Variants in LUZP2 observed in about 807,000 individuals in gnomAD.
The protein encoded by LUZP2 is leucine zipper protein 2.
In LUZP2, 52 loss-of-function variants were observed where a neutral mutation model predicts 51.6. The observed-to-expected ratio is 1.01, with a 90% CI of 0.81 to 1.27. The LOEUF is 1.27. Ranked by LOEUF, LUZP2 falls within the 50% of genes most tolerant of loss-of-function variation. The pLI, the probability that LUZP2 is intolerant of heterozygous loss-of-function variation, is 0.00. For missense variants in LUZP2, 436 were observed against 395.4 expected (o/e 1.10, Z -0.87); for synonymous variants, 154 against 137.3 (o/e 1.12, Z -0.85).
chr11:25,029,014 T>C (rs1857573850), intron 9 of LUZP2, among the ~76,000 whole-genome samples: 1 of 152,146 alleles, frequency 6.6e-6, no homozygotes, highest in African/African-American at 2.4e-5. Context: ...CACATATTTG[T>C]GGGATCTAAA....
chr11:24,864,047 A>G (rs1416609121), intron 5 of LUZP2, among the ~76,000 whole-genome samples: 1 of 152,184 alleles, frequency 6.6e-6, no homozygotes, highest in East Asian at 1.9e-4. Context: ...GTAAGAAATA[A>G]TGGTGTATCA....
At chr11:24,985,250 C>T (rs1465917475) in intron 9 of LUZP2, among the ~76,000 whole-genome samples, 1 of 151,508 alleles carries the variant, frequency 6.6e-6, no homozygotes, top group Non-Finnish European at 1.5e-5. Flanking sequence ...CAAGAGACAA[C>T]AAGAAAACTG....
chr11:24,562,220 C>A (rs990205019), intron 1 of LUZP2, among the ~76,000 whole-genome samples: 4 of 151,856 alleles, frequency 2.6e-5, no homozygotes, highest in Non-Finnish European at 4.4e-5. Context: ...CCTTTTGAAA[C>A]GCAAAGAGAC....
chr11:24,768,133 A>AT (rs113651188), intron 5 of LUZP2, among the ~76,000 whole-genome samples: 3,635 of 150,540 alleles, frequency 0.024, 161 homozygotes, highest in African/African-American at 0.084. Context: ...ATTAGTTGAA[A>AT]TTTTTTTTTT....
intron 1 of LUZP2, among the ~76,000 whole-genome samples, chr11:24,703,874 A>C (rs530319754): frequency 4.6e-5 from 7 of 151,484 alleles, no homozygotes; most frequent in South Asian, 2.1e-4. Context: ...ACAAAAAAAA[A>C]CAGAATTATT....
intron 1 of LUZP2, among the ~76,000 whole-genome samples, chr11:24,644,661 A>T (rs1287805393): frequency 6.6e-6 from 1 of 152,108 alleles, no homozygotes; most frequent in Non-Finnish European, 1.5e-5. Context: ...GGTATGGAAC[A>T]TCAACACTGA....
chr11:24,934,743 G>GCT (rs1231083720), intron 7 of LUZP2, among the ~76,000 whole-genome samples: 2 of 152,106 alleles, frequency 1.3e-5, no homozygotes, highest in African/African-American at 2.4e-5. Context: ...TTCAGACCTT[G>GCT]CTAATAGGTT....
intron 5 of LUZP2, among the ~76,000 whole-genome samples, chr11:24,814,730 A>C (rs1345040510): frequency 6.6e-6 from 1 of 152,114 alleles, no homozygotes. Flanking sequence ...CGGTAGCTCA[A>C]GCCTGTAATC....
At chr11:24,777,819 G>A in intron 5 of LUZP2, among the ~76,000 whole-genome samples, 1 of 150,890 alleles carries the variant, frequency 6.6e-6, no homozygotes, top group East Asian at 1.9e-4. Flanking sequence ...TATTTTTTTT[G>A]GTGTGGTGAT....
At chr11:24,822,974 A>C (rs1850404301) in intron 5 of LUZP2, among the ~76,000 whole-genome samples, 1 of 152,188 alleles carries the variant, frequency 6.6e-6, no homozygotes, top group Non-Finnish European at 1.5e-5. Context: ...AGTAATAATC[A>C]TTCATATATT....
At chr11:24,639,717 C>G (rs1855219139) in intron 1 of LUZP2, among the ~76,000 whole-genome samples, 1 of 152,008 alleles carries the variant, frequency 6.6e-6, no homozygotes, top group Middle Eastern at 3.4e-3. Flanking sequence ...TCCCAAAGTG[C>G]TGGGATTACA....
chr11:24,847,268 T>C (rs1312232633), intron 5 of LUZP2, among the ~76,000 whole-genome samples: 2 of 152,082 alleles, frequency 1.3e-5, no homozygotes. Flanking sequence ...TATATATTTT[T>C]TTCCTTTCTG....
At chr11:24,682,547 A>G (rs1450260830) in intron 1 of LUZP2, among the ~76,000 whole-genome samples, 1 of 144,066 alleles carries the variant, frequency 6.9e-6, no homozygotes, top group Non-Finnish European at 1.5e-5. Flanking sequence ...GTGTATATGT[A>G]TATATACACA....
At chr11:24,849,090 T>G (rs1360937876) in intron 5 of LUZP2, among the ~76,000 whole-genome samples, 6 of 151,734 alleles carry the variant, frequency 4.0e-5, no homozygotes, top group Admixed American at 3.3e-4. Flanking sequence ...TTTAAAAATA[T>G]TATTAAAAAT....
At chr11:24,571,814 T>G (rs1401016801) in intron 1 of LUZP2, among the ~76,000 whole-genome samples, 2 of 152,096 alleles carry the variant, frequency 1.3e-5, no homozygotes, top group African/African-American at 4.8e-5. Context: ...AGGTTTAGGT[T>G]GGCTTTATCC....
chr11:25,041,457 GT>G (rs1316747707), intron 9 of LUZP2, among the ~76,000 whole-genome samples: 2 of 151,968 alleles, frequency 1.3e-5, no homozygotes, highest in Non-Finnish European at 2.9e-5. Flanking sequence ...TATATAAGGG[GT>G]ATTACTGTAA....
chr11:24,692,646 A>G (rs945540889), intron 1 of LUZP2, among the ~76,000 whole-genome samples: 12 of 152,076 alleles, frequency 7.9e-5, no homozygotes, highest in Non-Finnish European at 1.6e-4. Context: ...ATAAAAGTAC[A>G]TAGCTAAAAA....
intron 5 of LUZP2, among the ~76,000 whole-genome samples, chr11:24,897,752 T>C (rs2133772154): frequency 6.6e-6 from 1 of 152,348 alleles, no homozygotes; most frequent in South Asian, 2.1e-4. Context: ...GATTGTTGGT[T>C]GCTTGTATGA....
intron 7 of LUZP2, among the ~76,000 whole-genome samples, chr11:24,916,124 C>T (rs1322784964): frequency 2.0e-5 from 3 of 151,596 alleles, no homozygotes; most frequent in Non-Finnish European, 4.4e-5. Context: ...GAATTAAGTG[C>T]CCTTATTAAT....
Sources: allele counts gnomAD v4.1 joint callset (sites outside exome capture counted in the v4.1 genomes callset), GRCh38; gene constraint gnomAD v4.1.1; transcripts MANE v1.5; gene names NCBI Gene and HGNC (gene_info 2026-07-23, HGNC 2026-07-21).